The following MAPK8IP3 variants were observed in gnomAD, a reference collection of about 807,000 sequenced individuals.
MAPK8IP3 encodes the protein mitogen-activated protein kinase 8 interacting protein 3, also known as C-Jun-amino-terminal kinase-interacting protein 3.
In MAPK8IP3, 49 loss-of-function variants were observed where a neutral mutation model predicts 157.8. The observed-to-expected ratio is 0.31, with a 90% CI of 0.25 to 0.39. The LOEUF is 0.39. MAPK8IP3 is among the 10% of genes least tolerant of loss of function. MAPK8IP3 has a pLI of 1.00. For missense variants in MAPK8IP3, 1,478 were observed against 1,889.4 expected, an observed-to-expected ratio of 0.78 and a Z score of 4.04; for synonymous variants, 897 against 777.7, an observed-to-expected ratio of 1.15 and a Z score of -2.55.
Position 1,706,519 on chromosome 16 carries a change from G to A in MAPK8IP3, c.180G>A (p.Val60=), listed in dbSNP as rs567860523. ...EVVKELMPLV[V]NVLENLDSVL... Reference sequence around the variant, plus strand: ...TCAAGGAGCTCATGCCGCTGGTGGTGAACGTGCTGGAGAACCTAGACTCGG... The same window carrying A: ...TCAAGGAGCTCATGCCGCTGGTGGTAAACGTGCTGGAGAACCTAGACTCGG... The change falls in exon 1 of 32, where the codon GTG becomes GTA. Residue 60 remains valine (V), a synonymous_variant. Transcript: ENST00000610761. The surrounding 1 kb of genome is among the most constrained non-coding windows in gnomAD (Gnocchi z 5.1). 5 of 1,614,070 alleles carry A rather than the reference G, an allele frequency of 3.1e-6. No homozygotes were observed. The highest frequency in any genetic ancestry group is 1.3e-5 in the African/African-American group (1 of 75,044).
intron 8 of MAPK8IP3, among the ~76,000 whole-genome samples, chr16:1,749,729 C>T (rs1346339198): frequency 1.3e-5 from 2 of 152,234 alleles, no homozygotes; most frequent in African/African-American, 2.4e-5. Context: ...CTTCCCCCAG[C>T]CCGCAGGGTG....
intron 4 of MAPK8IP3, among the ~76,000 whole-genome samples, chr16:1,736,978 G>A (rs535138198): frequency 7.7e-5 from 6 of 77,860 alleles, no homozygotes; most frequent in Admixed American, 1.6e-4. Context: ...GTGACCGTCC[G>A]TGTGAGCATC....
At position 1,761,314 on chromosome 16, in the gene MAPK8IP3, ACT is replaced by A; in HGVS notation, c.1539+12_1539+13del. The A allele has an allele frequency of 6.2e-7, 1 of 1,609,678 alleles. No homozygotes were observed. The highest frequency in any genetic ancestry group is 8.5e-7 in the Non-Finnish European group (1 of 1,177,430). On this transcript the variant is annotated intron_variant, in intron 13 of 31. Coordinates refer to ENST00000610761, the MANE Select transcript of MAPK8IP3 (RefSeq NM_001318852.2). Reference sequence around the variant, plus strand: ...ATCTCTGTACAGAATCGGTACATCCACTCTTCACTCTTCACATGCGGGGCGTC... The same window carrying A: ...ATCTCTGTACAGAATCGGTACATCCACTTCACTCTTCACATGCGGGGCGTC...
At chr16:1,709,286 G>A (rs1030521598) in intron 1 of MAPK8IP3, among the ~76,000 whole-genome samples, 4 of 152,198 alleles carry the variant, frequency 2.6e-5, no homozygotes, top group African/African-American at 7.2e-5. Context: ...GGGGTCTCCC[G>A]AGAGACTGAC....
chr16:1,756,796 T>C (rs1410035210), intron 8 of MAPK8IP3, among the ~76,000 whole-genome samples: 1 of 152,060 alleles, frequency 6.6e-6, no homozygotes, highest in Non-Finnish European at 1.5e-5. Context: ...CACTCCAGCC[T>C]GAGCAACAGA....
chr16:1,722,498 C>A (rs939411434), intron 1 of MAPK8IP3, among the ~76,000 whole-genome samples: 3 of 152,176 alleles, frequency 2.0e-5, no homozygotes, highest in Non-Finnish European at 4.4e-5. Context: ...ACCCATGGAT[C>A]TTCCAGATCC....
chr16:1,756,807 G>A (rs2041627645), intron 8 of MAPK8IP3, among the ~76,000 whole-genome samples: 1 of 152,088 alleles, frequency 6.6e-6, no homozygotes, highest in Admixed American at 6.6e-5. Flanking sequence ...GAGCAACAGA[G>A]TGAGACCCCG....
At chr16:1,729,331 G>A (rs934143820) in intron 3 of MAPK8IP3, 123 bp downstream of exon 3, 1 of 1,301,932 alleles carries the variant, frequency 7.7e-7, no homozygotes, top group Non-Finnish European at 1.1e-6. Flanking sequence ...TTTGCTGCCA[G>A]GCTTGAAGGC....
chr16:1,765,061 C>G lies in MAPK8IP3; in HGVS notation c.2329C>G (p.Leu777Val). ...MDATSSRVWILTSTLTTSKVV... is the reference protein window; with the variant it reads ...MDATSSRVWIVTSTLTTSKVV... ...CGCCACCTCCAGCCGGGTGTGGATC[C>G]TGACCAGCACCCTGACCACCAGCAA... Residue 777 changes from leucine to valine, a missense_variant, in exon 20 of 32, where the codon CTG becomes GTG. Around this residue, in one of 11 missense-constraint regions of MAPK8IP3, gnomAD observed 669 missense variants for 759.8 expected, o/e 0.88. Transcript: ENST00000610761. The G allele has an allele frequency of 6.2e-7, 1 of 1,612,256 alleles. No individual in the cohort carries two copies. The highest frequency in any genetic ancestry group is 8.5e-7 in the Non-Finnish European group (1 of 1,179,604).
At position 1,764,410 on chromosome 16, in the gene MAPK8IP3, A is replaced by G; in HGVS notation, c.2231A>G (p.Glu744Gly). Residue 744 changes from glutamate to glycine, a missense_variant, in exon 19 of 32, where the codon GAA (glutamate) becomes GGA (glycine). Around this residue, in one of 11 missense-constraint regions of MAPK8IP3, gnomAD observed 669 missense variants for 759.8 expected, o/e 0.88. Coordinates refer to ENST00000610761, the MANE Select transcript of MAPK8IP3 (RefSeq NM_001318852.2). ...CGCGATCCCCTGACCTGCGACCGCGAAGGAGACGGCGAGCCCAAGAGCGCC... is the reference window on the plus strand; with the variant it reads ...CGCGATCCCCTGACCTGCGACCGCGGAGGAGACGGCGAGCCCAAGAGCGCC... Reference protein sequence around the residue: ...PGRDPLTCDREGDGEPKSAHT... With the variant: ...PGRDPLTCDRGGDGEPKSAHT... The G allele has an allele frequency of 6.2e-7, 1 of 1,605,438 alleles. No individual in the cohort carries two copies. The highest frequency in any genetic ancestry group is 8.5e-7 in the Non-Finnish European group (1 of 1,177,566).
intron 1 of MAPK8IP3, chr16:1,714,134 G>T (rs2037976408): frequency 6.6e-6 from 1 of 152,274 alleles, no homozygotes; most frequent in South Asian, 2.1e-4. Context: ...GGCTGTGTGT[G>T]TCCTTCCCCC....
chr16:1,747,456 C>T (rs554240116), intron 6 of MAPK8IP3, among the ~76,000 whole-genome samples, 181 bp downstream of exon 6: 2 of 152,300 alleles, frequency 1.3e-5, no homozygotes, highest in South Asian at 4.1e-4. Context: ...GCGGCCACTC[C>T]TTGGCTTGTA....
In MAPK8IP3 at chr16:1,765,954, C is replaced by A. The variant is rs1249096878; in HGVS notation, c.2447-6C>A. 1 of 1,607,924 alleles carries A rather than the reference C, an allele frequency of 6.2e-7. No individual in the cohort carries two copies. Among genetic ancestry groups the A allele is most frequent in the East Asian group, 2.2e-5 (1 of 44,772 alleles). On this transcript the variant is annotated splice_region_variant and splice_polypyrimidine_tract_variant and intron_variant, in intron 20 of 31. Transcript: ENST00000610761. ...GCACAGGCTGACGGGCCGTCCCTCT[C>A]CCCAGCGGCCAGCGACAGCGACTAC...
chr16:1,758,222 G>T, intron 9 of MAPK8IP3, 63 bp downstream of exon 9: 2 of 1,589,796 alleles, frequency 1.3e-6, no homozygotes, highest in South Asian at 2.2e-5. Context: ...GTGGACGGGG[G>T]ATGCCCCGAG....
rs558730208 is a variant in MAPK8IP3, at chr16:1,746,574, G to C, written c.748-455G>C. 1.6e-3 allele frequency: 268 copies of C among 171,332 alleles called. 1 individual carries two copies. The Middle Eastern group carries it at 0.024, about 16-fold the overall frequency. 10.6% of individuals were successfully genotyped at this position (171,332 alleles called of 1,614,324 possible). Reference sequence around the variant, plus strand: ...CAGGCGCGGGTGGGCCCAGCCTCGAGCTCTTCAGCACAGTGATGGTGACGG... The same window carrying C: ...CAGGCGCGGGTGGGCCCAGCCTCGACCTCTTCAGCACAGTGATGGTGACGG... On this transcript the variant is annotated intron_variant, in intron 5 of 31. Coordinates refer to ENST00000610761, the MANE Select transcript of MAPK8IP3 (RefSeq NM_001318852.2).
At chr16:1,756,069 C>A (rs1395428916) in intron 8 of MAPK8IP3, among the ~76,000 whole-genome samples, 1 of 152,102 alleles carries the variant, frequency 6.6e-6, no homozygotes, top group African/African-American at 2.4e-5. Context: ...CGAGCACTGG[C>A]GGGTGGTAAT....
chr16:1,757,363 T>C (rs896222999), intron 8 of MAPK8IP3, among the ~76,000 whole-genome samples: 13 of 152,114 alleles, frequency 8.5e-5, no homozygotes, highest in East Asian at 1.9e-4. Context: ...CTCGGCCTCC[T>C]AAAGTGCTGG....
At chr16:1,755,455 C>G (rs2041536402) in intron 8 of MAPK8IP3, among the ~76,000 whole-genome samples, 1 of 152,066 alleles carries the variant, frequency 6.6e-6, no homozygotes, top group African/African-American at 2.4e-5. Flanking sequence ...CCTGGGAGTT[C>G]AAGGATATAG....
intron 4 of MAPK8IP3, among the ~76,000 whole-genome samples, chr16:1,740,108 G>C (rs2040562508): frequency 7.4e-6 from 1 of 135,632 alleles, no homozygotes; most frequent in African/African-American, 2.8e-5. Context: ...GAGCATCCCT[G>C]TGACCGTCCG....
Sources: gnomAD v4.1 joint callset for allele counts (sites outside exome capture counted in the v4.1 genomes callset) on GRCh38, gnomAD v4.1.1 for gene constraint, gnomAD v4.1.1 regional missense constraint, Gnocchi (gnomAD v3.1) non-coding constraint, MANE v1.5 for transcripts, NCBI Gene and HGNC (gene_info 2026-07-23, HGNC 2026-07-21) for gene names.